C10orf90: variants seen among roughly 807,000 people sequenced by gnomAD.
C10orf90 encodes chromosome 10 open reading frame 90.
C10orf90 carries 56 observed loss-of-function variants against 62.5 expected under a neutral mutation model. The observed-to-expected ratio is 0.90, with a 90% CI of 0.72 to 1.12. The LOEUF (loss-of-function observed/expected upper bound fraction) is 1.12, where lower values mean the gene tolerates loss of function less well. C10orf90 is among the 50% of genes most tolerant of loss of function. The probability of loss-of-function intolerance (pLI) is 0.00; values close to 1 mark genes in which losing one functional copy is unlikely to be tolerated. For missense variants in C10orf90, 970 were observed against 880.4 expected (o/e 1.10, Z -1.29); for synonymous variants, 386 against 340.4 (o/e 1.13, Z -1.47).
chr10:126,447,913 G>A (rs1371470172), intron 7 of C10orf90, among the ~76,000 whole-genome samples: 1 of 151,706 alleles, frequency 6.6e-6, no homozygotes, highest in Non-Finnish European at 1.5e-5. Context: ...GTGCAGTGGT[G>A]CAATCTTGGC....
intron 2 of C10orf90, among the ~76,000 whole-genome samples, chr10:126,609,816 G>T (rs1188244783): frequency 6.6e-6 from 1 of 152,250 alleles, no homozygotes; most frequent in Non-Finnish European, 1.5e-5. Flanking sequence ...CTGTGGGTTT[G>T]TTCTGAGAGA....
intron 2 of C10orf90, among the ~76,000 whole-genome samples, chr10:126,532,793 C>CAGTGA (rs1864131019): frequency 9.6e-6 from 1 of 103,878 alleles, no homozygotes; most frequent in African/African-American, 3.9e-5. Flanking sequence ...GCCGAGATCG[C>CAGTGA]GCCACTGCAC....
chr10:126,426,385 T>C, intron 8 of C10orf90, among the ~76,000 whole-genome samples: 1 of 152,232 alleles, frequency 6.6e-6, no homozygotes, highest in South Asian at 2.1e-4. Flanking sequence ...ATTGTTTTTG[T>C]CCTTCCATTC....
chr10:126,669,110 A>AT, intron 1 of C10orf90, among the ~76,000 whole-genome samples: 1 of 152,330 alleles, frequency 6.6e-6, no homozygotes, highest in Admixed American at 6.5e-5. Context: ...CATCTGATTA[A>AT]TTACTTGTGA....
rs542671125 is a variant in C10orf90 at position 126,470,868 on chromosome 10, G to GT, written c.1535-5883_1535-5882insA. Among the ~76,000 whole-genome samples the GT allele has an allele frequency of 3.5e-3, 473 of 136,600 alleles. 1 individual carries two copies. Among genetic ancestry groups the GT allele is most frequent in the Non-Finnish European group, 6.4e-3 (399 of 61,932 alleles). 89.6% of individuals were successfully genotyped at this position (136,600 alleles called of 152,430 possible). ...GACAAGACTGGTAGATATTTTCTCT[G>GT]CTTTTTTTTCTGGTTAAGGCTTCAA... On this transcript the variant is annotated intron_variant, in intron 4 of 9. Coordinates refer to ENST00000488181, the MANE Select transcript of C10orf90 (RefSeq NM_001350921.2).
intron 2 of C10orf90, among the ~76,000 whole-genome samples, chr10:126,613,378 A>G (rs954781810): frequency 1.3e-5 from 2 of 152,152 alleles, no homozygotes; most frequent in Non-Finnish European, 2.9e-5. Context: ...TTGGGACTAC[A>G]GACATGTGCC....
rs56395014 is a variant in C10orf90 at position 126,464,655 on chromosome 10, G to C, written c.1825+41C>G. On this transcript the variant is annotated intron_variant, in intron 5 of 9. Transcript: ENST00000488181. ...GGCAATCAACAAATTTTTATCGAAT[G>C]TCAAGACCAAATGATGTCACCCACC... The C allele has an allele frequency of 5.7e-3, 9,008 of 1,568,266 alleles. 497 individuals carry two copies. In the African/African-American group the frequency reaches 0.11, roughly 19 times the overall value.
At chr10:126,459,281 T>C (rs1859793800) in intron 6 of C10orf90, 64 bp from the exon 7 acceptor site, 3 of 1,584,000 alleles carry the variant, frequency 1.9e-6, no homozygotes, top group Admixed American at 1.7e-5. Flanking sequence ...AACGCATCTG[T>C]CTGATGCAGC....
At chr10:126,567,403 ACC>A (rs1844416005) in intron 2 of C10orf90, among the ~76,000 whole-genome samples, 1 of 152,096 alleles carries the variant, frequency 6.6e-6, no homozygotes, top group Admixed American at 6.6e-5. Flanking sequence ...GGGGAAATCC[ACC>A]CCATGATCCA....
At chr10:126,534,310 C>T (rs1864178923) in intron 2 of C10orf90, among the ~76,000 whole-genome samples, 1 of 152,214 alleles carries the variant, frequency 6.6e-6, no homozygotes, top group East Asian at 1.9e-4. Flanking sequence ...TGCTCTGTGT[C>T]CAAATGACTT....
At chr10:126,640,361 C>T (rs575302611) in intron 2 of C10orf90, among the ~76,000 whole-genome samples, 2 of 152,350 alleles carry the variant, frequency 1.3e-5, no homozygotes, top group South Asian at 4.1e-4. Flanking sequence ...TGATTCCCAC[C>T]CTGCTCCGCA....
chr10:126,547,613 C>T (rs1864532474), intron 2 of C10orf90, among the ~76,000 whole-genome samples: 1 of 150,756 alleles, frequency 6.6e-6, no homozygotes, highest in East Asian at 1.9e-4. Context: ...CAATTATAAG[C>T]TCACTTGAAA....
At chr10:126,638,599 G>A (rs1027501173) in intron 2 of C10orf90, among the ~76,000 whole-genome samples, 8 of 152,160 alleles carry the variant, frequency 5.3e-5, no homozygotes, top group Non-Finnish European at 8.8e-5. Context: ...CTAACATCGA[G>A]GTCCAGTATG....
intron 2 of C10orf90, among the ~76,000 whole-genome samples, chr10:126,585,051 T>C (rs77998706): frequency 0.041 from 6,178 of 151,878 alleles, 389 homozygotes; most frequent in African/African-American, 0.14. Context: ...AGACACCTCC[T>C]CAGCAGTATG....
intron 4 of C10orf90, among the ~76,000 whole-genome samples, chr10:126,485,079 A>C (rs937339574): frequency 2.0e-5 from 3 of 152,198 alleles, no homozygotes; most frequent in African/African-American, 7.2e-5. Flanking sequence ...GTGTGATATT[A>C]TTAGGAGGTA....
At chr10:126,598,203 G>A (rs1845124068) in intron 2 of C10orf90, among the ~76,000 whole-genome samples, 1 of 152,162 alleles carries the variant, frequency 6.6e-6, no homozygotes, top group South Asian at 2.1e-4. Context: ...ACCAGTGGCA[G>A]AGCTGGTCCC....
At chr10:126,526,295 A>AGTG (rs1303280125) in intron 2 of C10orf90, among the ~76,000 whole-genome samples, 1 of 145,362 alleles carries the variant, frequency 6.9e-6, no homozygotes. Flanking sequence ...TTCAGGCTGG[A>AGTG]GTGCAGTGGT....
chr10:126,513,303 A>G (rs143729387), intron 3 of C10orf90, among the ~76,000 whole-genome samples: 172 of 152,338 alleles, frequency 1.1e-3, no homozygotes, highest in African/African-American at 3.9e-3. Context: ...AGGTATTAAT[A>G]TAAGAGCAGT....
At chr10:126,466,130 C>T (rs953460250) in intron 4 of C10orf90, among the ~76,000 whole-genome samples, 8 of 151,986 alleles carry the variant, frequency 5.3e-5, no homozygotes, top group African/African-American at 1.9e-4. Flanking sequence ...TGTTTTCAAC[C>T]CCCCATGCTG....
Sources: allele counts gnomAD v4.1 joint callset (sites outside exome capture counted in the v4.1 genomes callset), GRCh38; gene constraint gnomAD v4.1.1; transcripts MANE v1.5; gene names NCBI Gene and HGNC (gene_info 2026-07-23, HGNC 2026-07-21).